MYLK2: variants seen among roughly 807,000 people sequenced by gnomAD.
MYLK2 encodes myosin light chain kinase 2, skeletal/cardiac muscle.
Under a neutral mutation model 58.2 loss-of-function variants are expected in MYLK2, and 27 were observed. The observed-to-expected ratio is 0.46, with a 90% CI of 0.34 to 0.64. The LOEUF (loss-of-function observed/expected upper bound fraction) is 0.64. MYLK2 is among the 30% of genes least tolerant of loss of function. The pLI is 0.01. For synonymous variants in MYLK2, 310 were observed against 296.7 expected (o/e 1.04, Z -0.46); for missense variants, 676 against 764.3 (o/e 0.88, Z 1.36).
At chr20:31,832,283 T>C (rs951305729) in intron 12 of MYLK2, 147 bp downstream of exon 12, 3 of 1,223,370 alleles carry the variant, frequency 2.5e-6, no homozygotes, top group African/African-American at 3.0e-5. Context: ...TTTTCTGTTT[T>C]TGCCCTGGGC....
intron 2 of MYLK2, 107 bp downstream of exon 2, chr20:31,819,739 C>T (rs2062242073): frequency 1.5e-6 from 2 of 1,350,680 alleles, no homozygotes; most frequent in African/African-American, 2.9e-5. Flanking sequence ...GCCTTGTTTG[C>T]ATGGTGCACG....
At chr20:31,822,236 T>C (rs2062254935) in intron 4 of MYLK2, among the ~76,000 whole-genome samples, 1 of 152,106 alleles carries the variant, frequency 6.6e-6, no homozygotes, top group African/African-American at 2.4e-5. Context: ...TTTTCTACTT[T>C]GACTAAAATG....
chr20:31,829,730 G>A (rs1193306343), intron 8 of MYLK2, among the ~76,000 whole-genome samples: 1 of 152,202 alleles, frequency 6.6e-6, no homozygotes, highest in Non-Finnish European at 1.5e-5. Context: ...AGGAGCTGCT[G>A]GAATTCAGGG....
chr20:31,830,901 G>C lies in MYLK2; in HGVS notation c.1295+12G>C, dbSNP rs191338438. 14 of 1,613,066 alleles carry C rather than the reference G, an allele frequency of 8.7e-6. No homozygotes were observed. The Admixed American group carries it at 2.0e-4, about 23-fold the overall frequency. ...GGCCTGGCACGGAGGTACCACCTGGGTGGGTGGGGAGGGCAAGACAAGCCT... is the reference window on the plus strand; with the variant it reads ...GGCCTGGCACGGAGGTACCACCTGGCTGGGTGGGGAGGGCAAGACAAGCCT... On this transcript the variant is annotated intron_variant, in intron 9 of 12. Coordinates refer to ENST00000375985, the MANE Select transcript of MYLK2 (RefSeq NM_033118.4).
In MYLK2 at chr20:31,820,450, C is replaced by T; in HGVS notation, c.377C>T (p.Pro126Leu). 6.2e-7 allele frequency: 1 copy of T among 1,612,328 alleles called. No homozygotes were observed. The highest frequency in any genetic ancestry group is 8.5e-7 in the Non-Finnish European group (1 of 1,179,992). ...TCAGGCAGCCAGGATCCTGGAAAGCCCAGGGTGGGCAAGAAGGCAGCAGAG... is the reference window on the plus strand; with the variant it reads ...TCAGGCAGCCAGGATCCTGGAAAGCTCAGGGTGGGCAAGAAGGCAGCAGAG... Reference protein sequence around the residue: ...GASGSQDPGKPRVGKKAAEGQ... With the variant: ...GASGSQDPGKLRVGKKAAEGQ... Residue 126 changes from proline (P) to leucine (L), a missense_variant, in exon 3 of 13, where the codon CCC becomes CTC. By Grantham distance (98) the Pro-to-Leu change is moderately conservative. Transcript: ENST00000375985.
Position 31,823,641 on chromosome 20 carries a change from G to A in MYLK2, c.878+59G>A, listed in dbSNP as rs3746598. The A allele has an allele frequency of 1.0e-3, 1,527 of 1,520,520 alleles. 20 individuals are homozygous for A. The East Asian group carries it at 0.017, about 17-fold the overall frequency. 94.2% of individuals were successfully genotyped at this position (1,520,520 alleles called of 1,614,324 possible). ...ACAGAGAGTACACCGGGCTCCTGTG[G>A]CTTCACATTTCCCCTGTGCAAGGCC... On this transcript the variant is annotated intron_variant, in intron 5 of 12. Coordinates refer to ENST00000375985, the MANE Select transcript of MYLK2 (RefSeq NM_033118.4).
intron 12 of MYLK2, among the ~76,000 whole-genome samples, chr20:31,832,446 A>C (rs552818818): frequency 6.6e-6 from 1 of 152,196 alleles, no homozygotes; most frequent in Non-Finnish European, 1.5e-5. Flanking sequence ...AGAGACAAAG[A>C]TCTCAGTCTT....
intron 12 of MYLK2, 120 bp downstream of exon 12, chr20:31,832,256 CGGAAGACAG>C: frequency 7.2e-7 from 1 of 1,392,026 alleles, no homozygotes; most frequent in South Asian, 1.2e-5. Flanking sequence ...GGGCCCTGTC[CGGAAGACAG>C]GGTTGACTTT....
At chr20:31,832,239 C>T in intron 12 of MYLK2, 103 bp downstream of exon 12, 2 of 1,477,182 alleles carry the variant, frequency 1.4e-6, no homozygotes, top group East Asian at 2.4e-5. Flanking sequence ...GTTCTGTTGA[C>T]CAGGCTGGGC....
chr20:31,820,204 C>T lies in MYLK2; in HGVS notation c.131C>T (p.Ala44Val). Reference protein sequence around the residue: ...KDPGPPDPKKAPDPPTLKKDA... With the variant: ...KDPGPPDPKKVPDPPTLKKDA... Reference sequence around the variant, plus strand: ...CCTGGCCCCCCAGACCCAAAGAAAGCTCCGGATCCACCCACCCTGAAGAAA... The same window carrying T: ...CCTGGCCCCCCAGACCCAAAGAAAGTTCCGGATCCACCCACCCTGAAGAAA... Residue 44 changes from alanine to valine, a missense_variant, in exon 3 of 13, where the codon GCT (alanine) becomes GTT (valine). This residue lies in a region of MYLK2 where 306 missense variants were observed against 296.5 expected (regional missense o/e 1.03). Coordinates refer to ENST00000375985, the MANE Select transcript of MYLK2 (RefSeq NM_033118.4). 1 of 1,614,032 alleles carries T rather than the reference C, an allele frequency of 6.2e-7. No individual in the cohort carries two copies. The highest frequency in any genetic ancestry group is 8.5e-7 in the Non-Finnish European group (1 of 1,180,024).
rs2182966 is a variant in MYLK2 at position 31,820,081 on chromosome 20, A to G, written c.53-45A>G. 1,380 of 1,610,580 alleles carry G rather than the reference A, an allele frequency of 8.6e-4. 24 individuals are homozygous for G. In the East Asian group the frequency reaches 0.024, roughly 28 times the overall value. On this transcript the variant is annotated intron_variant, in intron 2 of 12. Transcript: ENST00000375985. The stretch of plus-strand genomic sequence containing the variant: ...CTCTGCCCAGCCTGGGTGAGAGGGA[A>G]GGAAAGGAGGGTGGATCCTGATGGG...
chr20:31,830,966 G>A (rs779174617), intron 9 of MYLK2, 47 bp from the exon 10 acceptor site: 2 of 1,614,118 alleles, frequency 1.2e-6, no homozygotes, highest in Non-Finnish European at 1.7e-6. Flanking sequence ...GAGGGGGCAT[G>A]GGTATAGGCC....
rs765737286 is a variant in MYLK2, at chr20:31,831,694, T to G, written c.1425-9T>G. On this transcript the variant is annotated splice_polypyrimidine_tract_variant and intron_variant, in intron 10 of 12. Transcript: ENST00000375985. ...CACCTCCCTGCCCCCTGCTATCCCCTCCCTCTAGGCTGAGCGGCCTCTCCC... is the reference window on the plus strand; with the variant it reads ...CACCTCCCTGCCCCCTGCTATCCCCGCCCTCTAGGCTGAGCGGCCTCTCCC... 6.2e-7 allele frequency: 1 copy of G among 1,613,612 alleles called. No individual in the cohort carries two copies. Among genetic ancestry groups the G allele is most frequent in the South Asian group, 1.1e-5 (1 of 91,054 alleles).
At chr20:31,829,625 ATGGGAGAG>A (rs2062295740) in intron 8 of MYLK2, among the ~76,000 whole-genome samples, 1 of 152,208 alleles carries the variant, frequency 6.6e-6, no homozygotes. Flanking sequence ...GGTGGCGACC[ATGGGAGAG>A]TTGGAGGACA....
At chr20:31,828,502 G>A (rs2062290929) in intron 8 of MYLK2, 2 of 983,910 alleles carry the variant, frequency 2.0e-6, no homozygotes, top group South Asian at 4.7e-5. Context: ...GCTAGGCATA[G>A]GGACTGTGAA....
chr20:31,828,230 G>T (rs753687262), intron 8 of MYLK2: 1 of 985,356 alleles, frequency 1.0e-6, no homozygotes, highest in Non-Finnish European at 1.2e-6. Flanking sequence ...TCAGTTGTCC[G>T]TAGCTGTCCG....
intron 4 of MYLK2, 44 bp from the exon 5 acceptor site, chr20:31,823,433 G>A (rs1470572675): frequency 1.9e-6 from 3 of 1,558,952 alleles, no homozygotes; most frequent in African/African-American, 1.3e-5. Flanking sequence ...GGAATCCTCA[G>A]CAGCCCCTGG....
At chr20:31,828,985 A>G (rs1025779749) in intron 8 of MYLK2, among the ~76,000 whole-genome samples, 1 of 152,128 alleles carries the variant, frequency 6.6e-6, no homozygotes, top group African/African-American at 2.4e-5. Context: ...AAATAGAGCC[A>G]ATCTGATGTG....
chr20:31,825,532 G>T (rs1344118570), intron 6 of MYLK2, among the ~76,000 whole-genome samples: 1 of 152,062 alleles, frequency 6.6e-6, no homozygotes, highest in Non-Finnish European at 1.5e-5. Context: ...AAAGAAAAAA[G>T]AAAAGAAAAG....
Sources: gnomAD v4.1 joint callset for allele counts (sites outside exome capture counted in the v4.1 genomes callset) on GRCh38, gnomAD v4.1.1 for gene constraint, gnomAD v4.1.1 regional missense constraint, MANE v1.5 for transcripts, NCBI Gene and HGNC (gene_info 2026-07-23, HGNC 2026-07-21) for gene names.